FAR2: variants seen among roughly 807,000 people sequenced by gnomAD.
FAR2 encodes the protein fatty acyl-CoA reductase 2.
Under a neutral mutation model 56.0 loss-of-function variants are expected in FAR2, and 19 were observed. The ratio of observed to expected loss-of-function variants is 0.34; its 90% CI spans 0.24 to 0.50. FAR2 has a LOEUF of 0.50. Among genes scored for constraint, FAR2 ranks in the 20% least tolerant of loss-of-function variants. The pLI is 0.98. For missense variants in FAR2, 508 were observed against 642.2 expected (o/e 0.79, Z 2.26); for synonymous variants, 219 against 218.8 (o/e 1.00, Z -0.01).
At chr12:29,308,712 A>ATATATATATATATATATG in intron 5 of FAR2, among the ~76,000 whole-genome samples, 1 of 137,530 alleles carries the variant, frequency 7.3e-6, no homozygotes, top group African/African-American at 3.3e-5. Flanking sequence ...ACACACACAC[A>ATATATATATATATATATG]CACACACATA....
At chr12:29,302,392 T>C (rs1284996286) in intron 4 of FAR2, among the ~76,000 whole-genome samples, 2 of 151,702 alleles carry the variant, frequency 1.3e-5, no homozygotes, top group Non-Finnish European at 2.9e-5. Context: ...GAGGGAGGCA[T>C]ATGAGAAGAC....
chr12:29,250,327 C>A (rs181252689), intron 1 of FAR2, among the ~76,000 whole-genome samples: 2 of 152,118 alleles, frequency 1.3e-5, no homozygotes, highest in African/African-American at 4.8e-5. Flanking sequence ...CCAATCTCTC[C>A]TGGTTATTAC....
intron 10 of FAR2, 69 bp downstream of exon 10, chr12:29,321,993 GA>G: frequency 6.6e-7 from 1 of 1,514,154 alleles, no homozygotes; most frequent in Non-Finnish European, 8.9e-7. Context: ...ATTTGATTTG[GA>G]AAGCTGATGA....
intron 1 of FAR2, among the ~76,000 whole-genome samples, chr12:29,221,214 A>G (rs921055226): frequency 6.6e-6 from 1 of 152,104 alleles, no homozygotes; most frequent in Non-Finnish European, 1.5e-5. Flanking sequence ...TCTTATCTGG[A>G]AGCTAATCAC....
chr12:29,293,039 G>A (rs1370279351), intron 2 of FAR2: 1 of 238,380 alleles, frequency 4.2e-6, no homozygotes, highest in Non-Finnish European at 8.1e-6. Flanking sequence ...CTAATTTTTT[G>A]TATTTTTAGT....
intron 1 of FAR2, among the ~76,000 whole-genome samples, chr12:29,209,159 C>T (rs1260127445): frequency 6.6e-6 from 1 of 151,588 alleles, no homozygotes; most frequent in Non-Finnish European, 1.5e-5. Context: ...GTCCAAGGGT[C>T]ATATAATGTT....
At chr12:29,235,442 C>A (rs9804995) in intron 1 of FAR2, among the ~76,000 whole-genome samples, 6,981 of 152,162 alleles carry the variant, frequency 0.046, 399 homozygotes, top group African/African-American at 0.13. Flanking sequence ...CTTGGTATTT[C>A]TCCACAATTT....
At chr12:29,248,816 C>T (rs1030289145) in intron 1 of FAR2, among the ~76,000 whole-genome samples, 1 of 152,178 alleles carries the variant, frequency 6.6e-6, no homozygotes, top group Non-Finnish European at 1.5e-5. Context: ...ATTCTCTTTC[C>T]CAGGGATGTT....
chr12:29,252,553 A>C (rs1948231427), intron 1 of FAR2, among the ~76,000 whole-genome samples: 2 of 152,210 alleles, frequency 1.3e-5, no homozygotes, highest in Admixed American at 1.3e-4. Context: ...TCCGCTTATC[A>C]TGCAACATGT....
intron 4 of FAR2, among the ~76,000 whole-genome samples, chr12:29,299,877 C>A (rs1171052660): frequency 6.6e-6 from 1 of 152,206 alleles, no homozygotes; most frequent in Non-Finnish European, 1.5e-5. Context: ...GGCTCCCCAG[C>A]GAAGCTCTCT....
In FAR2 at chr12:29,283,234, C is replaced by T. The variant is rs1213682906; in HGVS notation, c.190-10066C>T. Among the ~76,000 whole-genome samples the T allele has an allele frequency of 2.0e-5, 3 of 152,156 alleles. No individual in the cohort carries two copies. In the East Asian group the frequency reaches 5.8e-4, roughly 29 times the overall value. ...GCCTTGTAATATATTGGTGCAAAAA[C>T]AGATGCAAAACTATATTCAGTATAA... On this transcript the variant is annotated intron_variant, in intron 2 of 11. Transcript: ENST00000536681.
chr12:29,174,423 C>CT (rs55827253), intron 1 of FAR2, among the ~76,000 whole-genome samples: 618 of 55,440 alleles, frequency 0.011, 84 homozygotes, highest in African/African-American at 0.043. Flanking sequence ...GGTTTTTATT[C>CT]TTTTTTTTTT....
intron 1 of FAR2, among the ~76,000 whole-genome samples, chr12:29,175,785 A>G (rs1431851662): frequency 6.6e-6 from 1 of 151,934 alleles, no homozygotes; most frequent in Non-Finnish European, 1.5e-5. Flanking sequence ...TGATTGGTGC[A>G]TTTTTACAGA....
intron 1 of FAR2, among the ~76,000 whole-genome samples, chr12:29,176,019 T>C (rs1185692917): frequency 1.3e-5 from 2 of 152,224 alleles, no homozygotes; most frequent in Admixed American, 1.3e-4. Flanking sequence ...CCTCAGTTTA[T>C]GAAATTTAAA....
At chr12:29,306,061 G>T (rs1949250485) in intron 4 of FAR2, among the ~76,000 whole-genome samples, 1 of 149,760 alleles carries the variant, frequency 6.7e-6, no homozygotes. Context: ...ATATATTTTT[G>T]CAGGTGAGAG....
At chr12:29,274,882 C>T (rs1306689649) in intron 2 of FAR2, among the ~76,000 whole-genome samples, 1 of 151,342 alleles carries the variant, frequency 6.6e-6, no homozygotes, top group Non-Finnish European at 1.5e-5. Flanking sequence ...AGCCCGCCTG[C>T]ACCCAGGTGA....
At chr12:29,262,502 C>T (rs973901823) in intron 1 of FAR2, among the ~76,000 whole-genome samples, 14 of 152,006 alleles carry the variant, frequency 9.2e-5, no homozygotes, top group East Asian at 1.9e-4. Context: ...TGGTGGCGCA[C>T]GCCTGTAATC....
intron 1 of FAR2, among the ~76,000 whole-genome samples, chr12:29,192,311 C>G (rs1042531457): frequency 1.6e-4 from 24 of 152,106 alleles, no homozygotes; most frequent in Non-Finnish European, 3.5e-4. Context: ...TGTGAATATT[C>G]TGAGTAAATG....
rs113474684 is a variant in FAR2 at position 29,328,552 on chromosome 12, A to C, written c.1258-4048A>C. On this transcript the variant is annotated intron_variant, in intron 10 of 11. Transcript: ENST00000536681. ...AAATGTGGCACATATACACCATGGA[A>C]TACTATGCAACCATAAAAAATGAGT... is the stretch of plus-strand genomic sequence containing the variant. Among the ~76,000 whole-genome samples, 8 of 152,298 alleles carry C rather than the reference A, an allele frequency of 5.3e-5. 1 individual carries two copies. Among genetic ancestry groups the C allele is most frequent in the African/African-American group, 1.9e-4 (8 of 41,570 alleles).
Sources: allele counts gnomAD v4.1 joint callset (sites outside exome capture counted in the v4.1 genomes callset), GRCh38; gene constraint gnomAD v4.1.1; transcripts MANE v1.5; gene names NCBI Gene and HGNC (gene_info 2026-07-23, HGNC 2026-07-21).